The following ZSCAN10 variants were observed in gnomAD, a reference collection of about 807,000 sequenced individuals.
ZSCAN10 encodes zinc finger and SCAN domain containing 10.
ZSCAN10 carries 52 observed loss-of-function variants against 63.7 expected under a neutral mutation model. The ratio of observed to expected loss-of-function variants is 0.82; its 90% CI spans 0.65 to 1.03. The LOEUF (loss-of-function observed/expected upper bound fraction) is 1.03, where lower values mean the gene tolerates loss of function less well. Among genes scored for constraint, ZSCAN10 ranks in the 50% least tolerant of loss-of-function variants. ZSCAN10 has a pLI of 0.00. For missense variants in ZSCAN10, 1,223 were observed against 1,103.8 expected (o/e 1.11, Z -1.53); for synonymous variants, 544 against 479.6 (o/e 1.13, Z -1.76).
rs752102720 is a variant in ZSCAN10 at position 3,089,185 on chromosome 16, C to T, written c.2249G>A (p.Arg750Lys). 1 of 1,577,060 alleles carries T rather than the reference C, an allele frequency of 6.3e-7. No individual in the cohort carries two copies. The highest frequency in any genetic ancestry group is 8.6e-7 in the Non-Finnish European group (1 of 1,169,312). ...GCCACACTGCGTGCAGGAGTAGGGC[C>T]TGGCGCCCGTGTGCACCAGCAGGTG... is the stretch of plus-strand genomic sequence containing the variant. Reference protein sequence around the residue: ...LRHLLVHTGARPYSCTQCGRS... With the variant: ...LRHLLVHTGAKPYSCTQCGRS... The change falls in exon 6 of 6, where the codon AGG (arginine) becomes AAG (lysine). Residue 750 changes from arginine (R) to lysine (K), a missense_variant. By Grantham distance (26) the Arg-to-Lys change is conservative. Transcript: ENST00000576985.
Position 3,089,983 on chromosome 16 carries a change from C to T in ZSCAN10, c.1451G>A (p.Ser484Asn), listed in dbSNP as rs759485072. 2 of 1,550,978 alleles carry T rather than the reference C, an allele frequency of 1.3e-6. No homozygotes were observed. Among genetic ancestry groups the T allele is most frequent in the Non-Finnish European group, 8.7e-7 (1 of 1,150,988 alleles). The change falls in exon 6 of 6, where the codon AGC (serine) becomes AAC (asparagine). Residue 484 changes from serine to asparagine, a missense_variant. Coordinates refer to ENST00000576985, the MANE Select transcript of ZSCAN10 (RefSeq NM_032805.3). ...CTTGAGGCTGGAGCGGCGCTGGAAG[C>T]TCTGGCCGCAGTGGGAGCACAGGAC... ...TDVLCSHCGQ[S>N]FQRRSSLKRH... is the part of the protein sequence containing the mutation.
At chr16:3,094,907 C>G (rs1385066544) in intron 1 of ZSCAN10, among the ~76,000 whole-genome samples, 2 of 150,042 alleles carry the variant, frequency 1.3e-5, no homozygotes, top group African/African-American at 4.9e-5. Flanking sequence ...GGTGGGGATA[C>G]TAGATGATAA....
Position 3,089,920 on chromosome 16 carries a change from C to T in ZSCAN10, c.1514G>A (p.Arg505Gln), listed in dbSNP as rs374975258. Residue 505 changes from arginine (R) to glutamine (Q), a missense_variant, in exon 6 of 6, where the codon CGG becomes CAG. Coordinates refer to ENST00000576985, the MANE Select transcript of ZSCAN10 (RefSeq NM_032805.3). Reference sequence around the variant, plus strand: ...GCGGCTGCCGGAGCCTTCGGAGGACCGGCGGTCCTTGTCCCTGGCGTGGAT... The same window carrying T: ...GCGGCTGCCGGAGCCTTCGGAGGACTGGCGGTCCTTGTCCCTGGCGTGGAT... ...LRIHARDKDR[R>Q]SSEGSGSRRR... The T allele has an allele frequency of 6.5e-7, 1 of 1,536,538 alleles. No homozygotes were observed. The highest frequency in any genetic ancestry group is 8.7e-7 in the Non-Finnish European group (1 of 1,145,582).
Position 3,092,578 on chromosome 16 carries a change from C to T in ZSCAN10, c.360G>A (p.Glu120=). The T allele has an allele frequency of 6.4e-7, 1 of 1,574,296 alleles. No homozygotes were observed. ...RDGEEVVLLL[E]GIHREPSHAG... ...CGTGGCTGGGCTCCCGGTGGATGCC[C>T]TCGAGCAGCAGCACCACCTCCTCCC... Residue 120 remains glutamate (E), a synonymous_variant, in exon 2 of 6, where the codon GAG becomes GAA. Coordinates refer to ENST00000576985, the MANE Select transcript of ZSCAN10 (RefSeq NM_032805.3).
In ZSCAN10 at chr16:3,090,510, G is replaced by A. The variant is rs779835275; in HGVS notation, c.924C>T (p.Leu308=). 4 of 1,613,182 alleles carry A rather than the reference G, an allele frequency of 2.5e-6. No homozygotes were observed. In the South Asian group the frequency reaches 4.4e-5, roughly 18 times the overall value. Reference sequence around the variant, plus strand: ...GGCCGCTAGCCGCAGCGCCCCGTCCGAGCGACTGGGCGCAAGGCTCTCCCG... The same window carrying A: ...GGCCGCTAGCCGCAGCGCCCCGTCCAAGCGACTGGGCGCAAGGCTCTCCCG... The part of the protein sequence containing the change: ...GVPGEPCAQS[L]GRGAAASGPG... Residue 308 remains leucine (L), a synonymous_variant, in exon 6 of 6, where the codon CTC becomes CTT. Transcript: ENST00000576985.
rs1205487473 is a variant in ZSCAN10, at chr16:3,093,684, TTTC to T, written c.-67-683_-67-681del. 1.4e-3 allele frequency among the ~76,000 whole-genome samples: 149 copies of T among 104,682 alleles called. 14 individuals carry two copies. Among genetic ancestry groups the T allele is most frequent in the African/African-American group, 5.8e-3 (117 of 20,148 alleles). 68.7% of individuals were successfully genotyped at this position (104,682 alleles called of 152,430 possible). ...AAGTTTGTTTTTTAAAGCTTTTTTT[TTTC>T]TTTTTTTTTTTGAGATGGAGTCTTG... On this transcript the variant is annotated intron_variant, in intron 1 of 5. Coordinates refer to ENST00000576985, the MANE Select transcript of ZSCAN10 (RefSeq NM_032805.3).
chr16:3,091,924 G>A, intron 3 of ZSCAN10, 96 bp from the exon 4 acceptor site: 1 of 1,596,948 alleles, frequency 6.3e-7, no homozygotes, highest in Non-Finnish European at 8.5e-7. Context: ...TCCGGGCCCT[G>A]TGAAGACACC....
At chr16:3,098,382 G>T (rs1957182799) in intron 1 of ZSCAN10, among the ~76,000 whole-genome samples, 1 of 152,136 alleles carries the variant, frequency 6.6e-6, no homozygotes, top group African/African-American at 2.4e-5. Flanking sequence ...TGTAGGTCTA[G>T]AACACAGTGC....
intron 1 of ZSCAN10, among the ~76,000 whole-genome samples, chr16:3,098,042 C>CAAAAAAAAAAAAAAAAA (rs371407228): frequency 2.3e-5 from 1 of 44,388 alleles, no homozygotes; most frequent in Non-Finnish European, 4.5e-5. Context: ...GACCCTGTCT[C>CAAAAAAAAAAAAAAAAA]AAAAAAAAAA....
At chr16:3,098,000 GCCACTGCACA>G (rs945154188) in intron 1 of ZSCAN10, among the ~76,000 whole-genome samples, 24 of 132,588 alleles carry the variant, frequency 1.8e-4, no homozygotes, top group Non-Finnish European at 3.3e-4. Flanking sequence ...CCATGTTCGC[GCCACTGCACA>G]CCAGCCTGGA....
chr16:3,095,869 A>G (rs958282779), intron 1 of ZSCAN10, among the ~76,000 whole-genome samples: 11 of 151,108 alleles, frequency 7.3e-5, no homozygotes, highest in Admixed American at 5.9e-4. Context: ...GGTTGTGTAT[A>G]CCTGTGGTCC....
chr16:3,089,097 C>A lies in ZSCAN10; in HGVS notation c.2337G>T (p.Leu779=). 6.7e-7 allele frequency: 1 copy of A among 1,498,684 alleles called. No homozygotes were observed. Among genetic ancestry groups the A allele is most frequent in the South Asian group, 1.3e-5 (1 of 75,480 alleles). 92.8% of individuals were successfully genotyped at this position (1,498,684 alleles called of 1,614,324 possible). The change falls in exon 6 of 6, where the codon CTG becomes CTT. Residue 779 remains leucine (L), a synonymous_variant. Coordinates refer to ENST00000576985, the MANE Select transcript of ZSCAN10 (RefSeq NM_032805.3). ...TGGCGGAAGGCGGGCCAAGCTAGTACAGCGTCTCGCGGGCGTGGGTGCGCA... is the reference window on the plus strand; with the variant it reads ...TGGCGGAAGGCGGGCCAAGCTAGTAAAGCGTCTCGCGGGCGTGGGTGCGCA... ...RHLRTHARET[L]Y
At position 3,089,826 on chromosome 16, in the gene ZSCAN10, G is replaced by C; in HGVS notation, c.1608C>G (p.His536Gln). 1 of 1,567,006 alleles carries C rather than the reference G, an allele frequency of 6.4e-7. No individual in the cohort carries two copies. The highest frequency in any genetic ancestry group is 8.6e-7 in the Non-Finnish European group (1 of 1,163,342). Residue 536 changes from histidine (H) to glutamine (Q), a missense_variant, in exon 6 of 6, where the codon CAC (histidine) becomes CAG (glutamine). Coordinates refer to ENST00000576985, the MANE Select transcript of ZSCAN10 (RefSeq NM_032805.3). The part of the protein sequence containing the change: ...DCGKAFRRSE[H>Q]LVAHRRVHTG... ...TGTGCACCCTCCGGTGGGCCACCAG[G>C]TGCTCGCTGCGCCGGAAGGCCTTGC...
Position 3,089,021 on chromosome 16 carries a change from C to G in ZSCAN10, c.*70G>C. ...GTGGGGTGTGGTGGGAAGGGACATT[C>G]CTGCAGGCCTCCGCTGTGGAGGACC... On this transcript the variant is annotated 3_prime_UTR_variant, in exon 6 of 6. Transcript: ENST00000576985. The G allele has an allele frequency of 7.1e-7, 1 of 1,411,658 alleles. No homozygotes were observed. The highest frequency in any genetic ancestry group is 9.2e-7 in the Non-Finnish European group (1 of 1,091,948). The allele number at this position is 1,411,658 out of a possible 1,614,324, so 87.4% of individuals were successfully genotyped here.
In ZSCAN10 at chr16:3,089,699, C is replaced by T; in HGVS notation, c.1735G>A (p.Ala579Thr). The T allele has an allele frequency of 6.2e-7, 1 of 1,602,116 alleles. No homozygotes were observed. The highest frequency in any genetic ancestry group is 1.4e-5 in the African/African-American group (1 of 73,816). ...AAGCGCTTCCCGCACTGCGGACAGG[C>T]GTAGGGCTTCTCGCCCGTGTGCACC... ...QRVHTGEKPYACPQCGKRFVR... is the reference protein window; with the variant it reads ...QRVHTGEKPYTCPQCGKRFVR... The change falls in exon 6 of 6, where the codon GCC (alanine) becomes ACC (threonine). Residue 579 changes from alanine (A) to threonine (T), a missense_variant. Ala to Thr is a moderately conservative substitution (Grantham distance 58, BLOSUM62 0). Coordinates refer to ENST00000576985, the MANE Select transcript of ZSCAN10 (RefSeq NM_032805.3).
At position 3,089,445 on chromosome 16, in the gene ZSCAN10, G is replaced by A; in HGVS notation, c.1989C>T (p.Ala663=). 6.2e-7 allele frequency: 1 copy of A among 1,606,200 alleles called. No homozygotes were observed. The highest frequency in any genetic ancestry group is 1.1e-5 in the South Asian group (1 of 90,894). The part of the protein sequence containing the change: ...QRIHTGEKPH[A]CDTCGHRFRN... ...GGAAACGGTGGCCGCAGGTGTCGCA[G>A]GCGTGGGGCTTCTCCCCTGTGTGGA... The change falls in exon 6 of 6, where the codon GCC becomes GCT. Residue 663 remains alanine (A), a synonymous_variant. Transcript: ENST00000576985.
chr16:3,091,589 C>G lies in ZSCAN10; in HGVS notation c.738G>C (p.Leu246=), dbSNP rs147307513. The G allele has an allele frequency of 1.1e-4, 172 of 1,614,230 alleles. No individual in the cohort carries two copies. In the African/African-American group the frequency reaches 2.1e-3, roughly 20 times the overall value. Residue 246 remains leucine (L), a synonymous_variant, in exon 5 of 6, where the codon CTG becomes CTC. Transcript: ENST00000576985. The part of the protein sequence containing the change: ...DQELAAVLEC[L]TFEDVPENKA... ...TATTCTCTGGCACATCCTCAAAGGT[C>G]AGGCACTCCTGTATCAAGAGCAGAA...
intron 1 of ZSCAN10, among the ~76,000 whole-genome samples, chr16:3,095,231 T>C (rs1957138401): frequency 6.6e-6 from 1 of 151,332 alleles, no homozygotes; most frequent in Non-Finnish European, 1.5e-5. Flanking sequence ...AAATTAAAAA[T>C]GTAGGGCAGG....
Position 3,089,397 on chromosome 16 carries a change from G to A in ZSCAN10, c.2037C>T (p.Arg679=), listed in dbSNP as rs536258632. ...HRFRNSSNLA[R]HRRSHTGERP... is the part of the protein sequence containing the mutation. ...GCTCGCCCGTGTGGCTGCGGCGATG[G>A]CGGGCCAGGTTGGAGCTATTGCGGA... The change falls in exon 6 of 6, where the codon CGC becomes CGT. Residue 679 remains arginine (R), a synonymous_variant. Transcript: ENST00000576985. 4 of 1,604,234 alleles carry A rather than the reference G, an allele frequency of 2.5e-6. No homozygotes were observed. Among genetic ancestry groups the A allele is most frequent in the South Asian group, 2.2e-5 (2 of 90,926 alleles).
Sources: gnomAD v4.1 joint callset for allele counts (sites outside exome capture counted in the v4.1 genomes callset) on GRCh38, gnomAD v4.1.1 for gene constraint, MANE v1.5 for transcripts, NCBI Gene and HGNC (gene_info 2026-07-23, HGNC 2026-07-21) for gene names.